Variants in CSNK2A2IP observed in about 807,000 individuals in gnomAD.
The protein encoded by CSNK2A2IP is casein kinase II subunit alpha'-interacting protein.
the CSNK2A2IP span, among the ~76,000 whole-genome samples, chr3:88,429,853 C>T: frequency 2.0e-5 from 3 of 152,056 alleles, no homozygotes; most frequent in South Asian, 2.1e-4. Flanking sequence ...CCCGGGTTCA[C>T]GCCATTCTCC....
At chr3:88,412,818 G>A in the CSNK2A2IP span, among the ~76,000 whole-genome samples, 402 of 151,948 alleles carry the variant, frequency 2.6e-3, 4 homozygotes, top group African/African-American at 8.9e-3. Context: ...GTACCACACC[G>A]GTATTTCTGT....
At chr3:88,454,188 A>G in the CSNK2A2IP span, among the ~76,000 whole-genome samples, 3 of 151,952 alleles carry the variant, frequency 2.0e-5, no homozygotes, top group Non-Finnish European at 4.4e-5. Flanking sequence ...GAATAATGAT[A>G]TTGACATATT....
the CSNK2A2IP span, among the ~76,000 whole-genome samples, chr3:88,449,198 AT>A: frequency 4.6e-5 from 7 of 152,102 alleles, no homozygotes; most frequent in African/African-American, 1.7e-4. Flanking sequence ...AATTATTTTC[AT>A]TTCAATTCTT....
chr3:88,396,347 C>G, the CSNK2A2IP span, among the ~76,000 whole-genome samples: 2 of 152,004 alleles, frequency 1.3e-5, no homozygotes, highest in African/African-American at 2.4e-5. Context: ...CCTCGTGATC[C>G]GCCCGCCTCG....
At chr3:88,384,204 A>G in the CSNK2A2IP span, among the ~76,000 whole-genome samples, 3,013 of 152,190 alleles carry the variant, frequency 0.02, 48 homozygotes, top group Non-Finnish European at 0.03. Context: ...GGAAACAAAT[A>G]CATAAAACAA....
the CSNK2A2IP span, among the ~76,000 whole-genome samples, chr3:88,348,849 TG>T: frequency 6.6e-6 from 1 of 152,086 alleles, no homozygotes; most frequent in African/African-American, 2.4e-5. Flanking sequence ...ATGTTTCTAT[TG>T]CTGTGAGTTG....
chr3:88,420,425 C>T, the CSNK2A2IP span, among the ~76,000 whole-genome samples: 2 of 152,082 alleles, frequency 1.3e-5, no homozygotes, highest in African/African-American at 2.4e-5. Flanking sequence ...ATTAATATCC[C>T]ATCTTTGCAC....
At chr3:88,445,916 CTCTTTCTTTCTTTCTTCCTTTCTT>C in the CSNK2A2IP span, among the ~76,000 whole-genome samples, 1 of 147,208 alleles carries the variant, frequency 6.8e-6, no homozygotes, top group Non-Finnish European at 1.5e-5. Context: ...TCTTCTTTCT[CTCTTTCTTTCTTTCTTCCTTTCTT>C]TCTTTCTCTC....
chr3:88,354,593 T>C, the CSNK2A2IP span, among the ~76,000 whole-genome samples: 1 of 152,140 alleles, frequency 6.6e-6, no homozygotes, highest in African/African-American at 2.4e-5. Context: ...GCTGGAAAAG[T>C]AGGCAAGAAC....
the CSNK2A2IP span, among the ~76,000 whole-genome samples, chr3:88,392,493 G>T: frequency 4.6e-5 from 7 of 152,096 alleles, no homozygotes; most frequent in Admixed American, 2.6e-4. Context: ...AGAAGGAATG[G>T]CCAGAGAAAT....
chr3:88,386,948 C>G, the CSNK2A2IP span, among the ~76,000 whole-genome samples: 1 of 152,104 alleles, frequency 6.6e-6, no homozygotes, highest in Non-Finnish European at 1.5e-5. Context: ...GATGGGAGAT[C>G]TGGGATGGAA....
At chr3:88,348,891 T>A in the CSNK2A2IP span, among the ~76,000 whole-genome samples, 2 of 152,032 alleles carry the variant, frequency 1.3e-5, no homozygotes, top group East Asian at 3.9e-4. Context: ...TGTGGATATA[T>A]CCAATTCTTT....
At chr3:88,390,765 GTAT>G in the CSNK2A2IP span, among the ~76,000 whole-genome samples, 13 of 152,058 alleles carry the variant, frequency 8.5e-5, no homozygotes, top group Admixed American at 8.5e-4. Flanking sequence ...TTTTTGCCAT[GTAT>G]TATTTTAAGG....
At chr3:88,408,896 A>G in the CSNK2A2IP span, among the ~76,000 whole-genome samples, 4 of 151,846 alleles carry the variant, frequency 2.6e-5, no homozygotes, top group Non-Finnish European at 4.4e-5. Context: ...CACATTTATC[A>G]TAACTTTAGA....
chr3:88,435,431 C>T, the CSNK2A2IP span, among the ~76,000 whole-genome samples: 1 of 152,126 alleles, frequency 6.6e-6, no homozygotes, highest in South Asian at 2.1e-4. Flanking sequence ...AAAATGGTCT[C>T]TTGGCCGTCT....
chr3:88,396,436 G>A, the CSNK2A2IP span, among the ~76,000 whole-genome samples: 1 of 152,204 alleles, frequency 6.6e-6, no homozygotes, highest in East Asian at 1.9e-4. Context: ...ATATAATCAA[G>A]TAACTTGACC....
the CSNK2A2IP span, among the ~76,000 whole-genome samples, chr3:88,399,154 A>G: frequency 6.6e-4 from 101 of 152,300 alleles, no homozygotes; most frequent in African/African-American, 2.3e-3. Context: ...GCATTCCTCA[A>G]CAATAGCATA....
At chr3:88,360,000 C>T in the CSNK2A2IP span, among the ~76,000 whole-genome samples, 22 of 152,136 alleles carry the variant, frequency 1.4e-4, no homozygotes, top group African/African-American at 4.8e-4. Flanking sequence ...GTGAATCTCT[C>T]TATCTCCAAT....
the CSNK2A2IP span, among the ~76,000 whole-genome samples, chr3:88,445,590 A>T: frequency 1.3e-5 from 2 of 152,044 alleles, no homozygotes; most frequent in African/African-American, 4.8e-5. Flanking sequence ...ACAGAGTCTC[A>T]CTCTGTCATC....
Sources: allele counts gnomAD v4.1 joint callset (sites outside exome capture counted in the v4.1 genomes callset), GRCh38; gene constraint gnomAD v4.1.1; transcripts MANE v1.5; gene names NCBI Gene and HGNC (gene_info 2026-07-23, HGNC 2026-07-21).